LGALS8: variants seen among roughly 807,000 people sequenced by gnomAD.
LGALS8 encodes the protein galectin-8.
In LGALS8, 30 loss-of-function variants were observed where a neutral mutation model predicts 35.9. The ratio of observed to expected loss-of-function variants is 0.83; its 90% CI spans 0.62 to 1.13. LGALS8 has a LOEUF of 1.13. Ranked by LOEUF, LGALS8 falls within the 50% of genes most tolerant of loss-of-function variation. The pLI is 0.00. For synonymous variants in LGALS8, 138 were observed against 136.1 expected (o/e 1.01, Z -0.10); for missense variants, 366 against 388.7 (o/e 0.94, Z 0.49).
At chr1:236,541,768 G>A in intron 6 of LGALS8, 58 bp downstream of exon 6, 1 of 876,280 alleles carries the variant, frequency 1.1e-6, no homozygotes, top group Non-Finnish European at 1.7e-6. Context: ...TAGCTGCCAT[G>A]TTAATGAAAT....
chr1:236,543,442 C>T, intron 7 of LGALS8, 118 bp from the exon 8 acceptor site: 4 of 807,994 alleles, frequency 5.0e-6, no homozygotes, highest in Non-Finnish European at 6.4e-6. Context: ...CTGTCTCTCC[C>T]CTCCTGGGAT....
At chr1:236,533,599 G>C (rs76486051) in intron 2 of LGALS8, among the ~76,000 whole-genome samples, 211 of 151,508 alleles carry the variant, frequency 1.4e-3, no homozygotes, top group African/African-American at 4.9e-3. Flanking sequence ...CTCCCAAAAT[G>C]CTGGGATTAC....
chr1:236,528,810 C>G (rs977301523), intron 2 of LGALS8, among the ~76,000 whole-genome samples: 1 of 152,166 alleles, frequency 6.6e-6, no homozygotes, highest in Non-Finnish European at 1.5e-5. Flanking sequence ...CATGAGCCAC[C>G]ATGCCTGGCC....
At chr1:236,519,556 A>G (rs2475830), upstream of LGALS8, among the ~76,000 whole-genome samples, 66,867 of 151,956 alleles carry the variant, frequency 0.44, 15,699 homozygotes, top group East Asian at 0.77. Flanking sequence ...ATAATTGGCA[A>G]TATCTATTGT....
In LGALS8 at chr1:236,548,093, G is replaced by A. The variant is rs1441374391; in HGVS notation, c.886G>A (p.Glu296Lys). Residue 296 changes from glutamate (E) to lysine (K), a missense_variant, in exon 10 of 10, where the codon GAG becomes AAG. Transcript: ENST00000366584. Reference sequence around the variant, plus strand: ...CCTGGAGTACAAACACAGATTTAAAGAGCTCAGCAGTATTGACACGCTGGA... The same window carrying A: ...CCTGGAGTACAAACACAGATTTAAAAAGCTCAGCAGTATTGACACGCTGGA... ...HSLEYKHRFK[E>K]LSSIDTLEIN... 8.1e-6 allele frequency: 13 copies of A among 1,613,740 alleles called. No individual in the cohort carries two copies. The highest frequency in any genetic ancestry group is 1.1e-5 in the Non-Finnish European group (13 of 1,179,776).
At chr1:236,540,140 T>C (rs1661875030) in intron 4 of LGALS8, 2 of 165,134 alleles carry the variant, frequency 1.2e-5, no homozygotes, top group Middle Eastern at 2.8e-3. Context: ...ATACAACAGA[T>C]TTTGAGTGTC....
intron 2 of LGALS8, among the ~76,000 whole-genome samples, chr1:236,537,288 T>A (rs1453304192): frequency 6.6e-6 from 1 of 152,158 alleles, no homozygotes; most frequent in Admixed American, 6.5e-5. Flanking sequence ...GTGCTGGGAT[T>A]ACAGGCGTGA....
At chr1:236,547,240 A>C (rs899934005) in intron 9 of LGALS8, among the ~76,000 whole-genome samples, 6 of 152,226 alleles carry the variant, frequency 3.9e-5, no homozygotes, top group Admixed American at 2.6e-4. Context: ...TGGCACCAGA[A>C]GTATGAAGTG....
At position 236,538,101 on chromosome 1, in the gene LGALS8, A is replaced by AAAAAG. The variant is rs371245157; in HGVS notation, c.134+519_134+520insAGAAA. 9.8e-4 allele frequency among the ~76,000 whole-genome samples: 94 copies of AAAAAG among 96,078 alleles called. 9 individuals carry two copies. The highest frequency in any genetic ancestry group is 2.2e-3 in the African/African-American group (65 of 30,110). 63.0% of individuals were successfully genotyped at this position (96,078 alleles called of 152,430 possible). A position where few individuals can be genotyped will look rare whatever the true frequency, so the allele number is the denominator to read the frequency against. ...GCCTGGGTGACAAAAAAAAAAAAGA[A>AAAAAG]AAAGAAAAAGAATTAGGTATGTCAT... On this transcript the variant is annotated intron_variant, in intron 3 of 9. Coordinates refer to ENST00000366584, the MANE Select transcript of LGALS8 (RefSeq NM_201544.4).
At chr1:236,521,494 C>T (rs12041958), upstream of LGALS8, among the ~76,000 whole-genome samples, 25,031 of 151,968 alleles carry the variant, frequency 0.16, 2,200 homozygotes, top group Middle Eastern at 0.24. Context: ...AGGAAGTGCT[C>T]GTGTAAGAAC....
At chr1:236,546,204 G>C (rs1180446455) in intron 9 of LGALS8, among the ~76,000 whole-genome samples, 1 of 152,216 alleles carries the variant, frequency 6.6e-6, no homozygotes, top group African/African-American at 2.4e-5. Context: ...CAGAGACAGT[G>C]AAAGGGATGG....
intron 9 of LGALS8, among the ~76,000 whole-genome samples, chr1:236,545,776 A>G (rs74606399): frequency 6.8e-6 from 1 of 147,050 alleles, no homozygotes; most frequent in Non-Finnish European, 1.5e-5. Context: ...AGGTTCCCTG[A>G]AGTTGTGGAT....
chr1:236,524,422 C>T, intron 1 of LGALS8: 1 of 455,806 alleles, frequency 2.2e-6, no homozygotes, highest in Non-Finnish European at 4.4e-6. Context: ...AGCCTGAGGC[C>T]GAGCGCCACC....
chr1:236,520,584 T>C (rs1660523589), upstream of LGALS8, among the ~76,000 whole-genome samples: 6 of 152,314 alleles, frequency 3.9e-5, no homozygotes, highest in South Asian at 1.2e-3. Context: ...CCTAAGCCCA[T>C]TGCTTACTTC....
At chr1:236,547,007 T>C (rs1365934055) in intron 9 of LGALS8, among the ~76,000 whole-genome samples, 1 of 97,902 alleles carries the variant, frequency 1.0e-5, no homozygotes, top group Non-Finnish European at 2.6e-5. Context: ...TCCTTTCCAC[T>C]GCTCCTATCA....
chr1:236,541,711 G>C lies in LGALS8; in HGVS notation c.522+1G>C, dbSNP rs569489502. 13 of 1,470,000 alleles carry C rather than the reference G, an allele frequency of 8.8e-6. No individual in the cohort carries two copies. The South Asian group carries it at 1.7e-4, about 19-fold the overall frequency. The allele number at this position is 1,470,000 out of a possible 1,614,324, so 91.1% of individuals were successfully genotyped here. A position where few individuals can be genotyped will look rare whatever the true frequency, so the allele number is the denominator to read the frequency against. ...ACTGACAGAGATAAGTAGAGAAAAT[G>C]TAAATATTAAATCTTTTAATGAGCC... On this transcript the variant is annotated splice_donor_variant, in intron 6 of 9. Transcript: ENST00000366584. LOFTEE classifies it high-confidence loss of function.
intron 5 of LGALS8, 85 bp downstream of exon 5, chr1:236,540,768 T>G: frequency 7.3e-7 from 1 of 1,365,694 alleles, no homozygotes; most frequent in Non-Finnish European, 9.9e-7. Flanking sequence ...AACACTTCTA[T>G]TGACATAAAA....
At position 236,543,626 on chromosome 1, in the gene LGALS8, G is replaced by T; in HGVS notation, c.616G>T (p.Glu206Ter). ...TGGACGAACTGTCGTCGTTAAAGGA[G>T]AAGTGAATGCAAATGCCAAAAGGTC... The part of the protein sequence containing the change: ...GPGRTVVVKG[E>*]VNANAKSFNV... Residue 206 changes from glutamate to a stop codon, truncating the protein, a stop_gained, in exon 8 of 10, where the codon GAA (glutamate) becomes TAA (stop). Coordinates refer to ENST00000366584, the MANE Select transcript of LGALS8 (RefSeq NM_201544.4). LOFTEE classifies it high-confidence loss of function. The T allele has an allele frequency of 1.2e-6, 2 of 1,614,000 alleles. No individual in the cohort carries two copies. The highest frequency in any genetic ancestry group is 1.7e-6 in the Non-Finnish European group (2 of 1,179,850).
intron 2 of LGALS8, among the ~76,000 whole-genome samples, chr1:236,527,089 A>T (rs1197107625): frequency 6.6e-6 from 1 of 151,430 alleles, no homozygotes; most frequent in East Asian, 1.9e-4. Flanking sequence ...AAAACATCCC[A>T]AGGTTGTAAA....
Sources: allele counts gnomAD v4.1 joint callset (sites outside exome capture counted in the v4.1 genomes callset), GRCh38; gene constraint gnomAD v4.1.1; transcripts MANE v1.5; gene names NCBI Gene and HGNC (gene_info 2026-07-23, HGNC 2026-07-21).